The following CNTN4 variants were observed in gnomAD, a reference collection of about 807,000 sequenced individuals.
CNTN4 encodes contactin 4.
A neutral mutation model predicts 122.5 loss-of-function variants in CNTN4; 77 were observed. That is an observed-to-expected ratio of 0.63 (90% CI 0.52 to 0.76). CNTN4 has a LOEUF of 0.76. Among genes scored for constraint, CNTN4 ranks in the 30% least tolerant of loss-of-function variants. The probability of loss-of-function intolerance (pLI) is 0.00; values close to 1 mark genes in which losing one functional copy is unlikely to be tolerated. For synonymous variants in CNTN4, 512 were observed against 447.0 expected, an observed-to-expected ratio of 1.15 and a Z score of -1.83; for missense variants, 1,256 against 1,259.1, an observed-to-expected ratio of 1.00 and a Z score of 0.04.
At position 2,991,340 on chromosome 3, in the gene CNTN4, C is replaced by T. The variant is rs376165118; in HGVS notation, c.1486+2868C>T. On this transcript the variant is annotated intron_variant, in intron 14 of 24. Transcript: ENST00000418658. Reference sequence around the variant, plus strand: ...TGATGTGCCCAGGTAGCCTGATTGACAGGTAGAATTCATGTGTTTCCAAGC... The same window carrying T: ...TGATGTGCCCAGGTAGCCTGATTGATAGGTAGAATTCATGTGTTTCCAAGC... Among the ~76,000 whole-genome samples, 9 of 152,238 alleles carry T rather than the reference C, an allele frequency of 5.9e-5. No individual in the cohort carries two copies. The East Asian group carries it at 1.2e-3, about 20-fold the overall frequency.
intron 3 of CNTN4, among the ~76,000 whole-genome samples, chr3:2,353,871 C>T (rs532873922): frequency 4.6e-5 from 7 of 152,076 alleles, no homozygotes; most frequent in Non-Finnish European, 8.8e-5. Flanking sequence ...CGCACTCCAG[C>T]CTGGGCGACA....
chr3:2,601,625 G>C (rs1459565340), intron 4 of CNTN4, among the ~76,000 whole-genome samples: 1 of 152,144 alleles, frequency 6.6e-6, no homozygotes, highest in Non-Finnish European at 1.5e-5. Flanking sequence ...AGTATAGTTT[G>C]AAGTCAGGTA....
At position 2,709,637 on chromosome 3, in the gene CNTN4, G is replaced by C. The variant is rs937507383; in HGVS notation, c.56-26578G>C. Among the ~76,000 whole-genome samples, 1 of 152,166 alleles carries C rather than the reference G, an allele frequency of 6.6e-6. No homozygotes were observed. The highest frequency in any genetic ancestry group is 1.5e-5 in the Non-Finnish European group (1 of 68,034). On this transcript the variant is annotated intron_variant, in intron 4 of 24. Coordinates refer to ENST00000418658, the MANE Select transcript of CNTN4 (RefSeq NM_175607.3). This position sits in a 1 kb window ranked among gnomAD's most constrained non-coding sequence, Gnocchi z 5.0. Reference sequence around the variant, plus strand: ...TCATTTAAATTCCACAATGTGGCTGGGTGCGGTGGCTCTCACCTGTAACCG... The same window carrying C: ...TCATTTAAATTCCACAATGTGGCTGCGTGCGGTGGCTCTCACCTGTAACCG...
At chr3:2,218,824 G>T (rs769371513) in intron 2 of CNTN4, among the ~76,000 whole-genome samples, 1 of 152,118 alleles carries the variant, frequency 6.6e-6, no homozygotes, top group Non-Finnish European at 1.5e-5. Flanking sequence ...CGATAGGAGT[G>T]GTTTATCAGA....
chr3:2,419,286 G>A (rs140700527), intron 3 of CNTN4, among the ~76,000 whole-genome samples: 16 of 152,252 alleles, frequency 1.1e-4, no homozygotes, highest in African/African-American at 3.9e-4. Context: ...GTAGCTTTCT[G>A]TATCTTAGAA....
chr3:2,351,558 C>A (rs184059708), intron 3 of CNTN4, among the ~76,000 whole-genome samples: 111 of 152,290 alleles, frequency 7.3e-4, no homozygotes, highest in African/African-American at 2.6e-3. Context: ...TCTCACTTAT[C>A]CCCCTTTATC....
At chr3:2,645,018 A>C (rs937467683) in intron 4 of CNTN4, among the ~76,000 whole-genome samples, 5 of 151,906 alleles carry the variant, frequency 3.3e-5, no homozygotes, top group African/African-American at 1.2e-4. Context: ...GTGGAGGAGC[A>C]TTGCTTGATT....
chr3:2,533,161 T>C (rs2077663501), intron 3 of CNTN4, among the ~76,000 whole-genome samples: 1 of 151,818 alleles, frequency 6.6e-6, no homozygotes, highest in East Asian at 1.9e-4. Flanking sequence ...TACTTTAAGT[T>C]CTAGGGTACA....
chr3:2,498,482 G>T (rs538976647), intron 3 of CNTN4, among the ~76,000 whole-genome samples: 2 of 147,558 alleles, frequency 1.4e-5, no homozygotes, highest in African/African-American at 4.9e-5. Context: ...TGTTGTTGTC[G>T]TTGTTGTTGT....
intron 15 of CNTN4, among the ~76,000 whole-genome samples, chr3:3,029,298 C>T (rs1315165148): frequency 6.6e-6 from 1 of 152,178 alleles, no homozygotes; most frequent in East Asian, 1.9e-4. Flanking sequence ...TAGAGTTAAT[C>T]TACGCTTCAA....
At position 2,590,064 on chromosome 3, in the gene CNTN4, A is replaced by G. The variant is rs118166576; in HGVS notation, c.55+18506A>G. On this transcript the variant is annotated intron_variant, in intron 4 of 24. Transcript: ENST00000418658. ...TTGGACGTAATTTCAAACCACCACA[A>G]TCTGTTCCTCTCCTTTGCTTTCATA... 7.0e-4 allele frequency among the ~76,000 whole-genome samples: 107 copies of G among 152,208 alleles called. 1 individual carries two copies. The East Asian group carries it at 0.02, about 29-fold the overall frequency.
At chr3:2,644,094 G>A (rs1325335112) in intron 4 of CNTN4, among the ~76,000 whole-genome samples, 1 of 152,066 alleles carries the variant, frequency 6.6e-6, no homozygotes, top group African/African-American at 2.4e-5. Context: ...GAGCACAAGC[G>A]CAGAGCCAGG....
At chr3:2,956,398 C>T (rs1358182777) in intron 13 of CNTN4, among the ~76,000 whole-genome samples, 1 of 151,788 alleles carries the variant, frequency 6.6e-6, no homozygotes, top group Non-Finnish European at 1.5e-5. Flanking sequence ...GTACTTAATG[C>T]CACTGAATTC....
intron 4 of CNTN4, among the ~76,000 whole-genome samples, chr3:2,600,144 A>T (rs73110674): frequency 0.017 from 2,627 of 150,416 alleles, 39 homozygotes; most frequent in African/African-American, 0.045. Context: ...ATTTTGCCCC[A>T]AACTACTCTC....
chr3:2,104,869 T>C (rs1022094729), intron 2 of CNTN4, among the ~76,000 whole-genome samples: 1 of 152,222 alleles, frequency 6.6e-6, no homozygotes, highest in Non-Finnish European at 1.5e-5. Context: ...TTTGGTTATT[T>C]GCCAAATAAA....
chr3:2,366,676 G>A (rs1244969676), intron 3 of CNTN4, among the ~76,000 whole-genome samples: 2 of 151,632 alleles, frequency 1.3e-5, no homozygotes, highest in Non-Finnish European at 2.9e-5. Context: ...GCAGTGAGCC[G>A]AGATTGCACC....
intron 3 of CNTN4, among the ~76,000 whole-genome samples, chr3:2,489,790 C>T (rs1293106599): frequency 6.6e-6 from 1 of 152,136 alleles, no homozygotes; most frequent in Non-Finnish European, 1.5e-5. Flanking sequence ...TTCTTCTTCC[C>T]TTCCTTTCTT....
At chr3:2,760,686 T>A (rs745955733) in intron 6 of CNTN4, among the ~76,000 whole-genome samples, 20 of 152,228 alleles carry the variant, frequency 1.3e-4, no homozygotes, top group Non-Finnish European at 2.4e-4. Context: ...GACTCTATCC[T>A]ACATTCCCTG....
intron 4 of CNTN4, among the ~76,000 whole-genome samples, chr3:2,574,056 A>G (rs1385173508): frequency 1.3e-5 from 2 of 152,148 alleles, no homozygotes; most frequent in Admixed American, 1.3e-4. Flanking sequence ...GTCTCTACTA[A>G]AAATGTAAAA....
Sources: allele counts gnomAD v4.1 joint callset (sites outside exome capture counted in the v4.1 genomes callset), GRCh38; gene constraint gnomAD v4.1.1; non-coding constraint Gnocchi (gnomAD v3.1); transcripts MANE v1.5; gene names NCBI Gene and HGNC (gene_info 2026-07-23, HGNC 2026-07-21).